Variants in CSDE1 observed in about 807,000 individuals in gnomAD.
CSDE1 encodes the protein cold shock domain-containing protein E1.
Under a neutral mutation model 89.3 loss-of-function variants are expected in CSDE1, and 17 were observed. The ratio of observed to expected loss-of-function variants is 0.19; its 90% CI spans 0.13 to 0.29. CSDE1 has a LOEUF of 0.29. Ranked by LOEUF, CSDE1 falls within the 10% of genes least tolerant of loss-of-function variation. The probability of loss-of-function intolerance (pLI) is 1.00; values close to 1 mark genes in which losing one functional copy is unlikely to be tolerated. For missense variants in CSDE1, 672 were observed against 984.2 expected (o/e 0.68, Z 4.24); for synonymous variants, 322 against 332.8 (o/e 0.97, Z 0.35).
chr1:114,723,820 C>T (rs1659656922), intron 16 of CSDE1, 63 bp downstream of exon 16: 2 of 1,606,932 alleles, frequency 1.2e-6, no homozygotes, highest in African/African-American at 2.7e-5. Flanking sequence ...TATTTTAAAA[C>T]TTTATAGGTG....
At position 114,739,855 on chromosome 1, in the gene CSDE1, T is replaced by G. The variant is rs748329765; in HGVS notation, c.36A>C (p.Gly12=). The change falls in exon 3 of 20, where the codon GGA becomes GGC. Residue 12 remains glycine, a synonymous_variant. Coordinates refer to ENST00000358528, the MANE Select transcript of CSDE1 (RefSeq NM_001007553.3). ...SFDPNLLHNN[G]HNGYPNGTSA... is the part of the protein sequence containing the mutation. ...AAGTACCATTAGGGTACCCATTATG[T>G]CCATTGTTGTGGAGAAGGTTTGGAT... is the stretch of plus-strand genomic sequence containing the variant. 3 of 1,613,960 alleles carry G rather than the reference T, an allele frequency of 1.9e-6. No individual in the cohort carries two copies. The highest frequency in any genetic ancestry group is 2.5e-6 in the Non-Finnish European group (3 of 1,179,996).
chr1:114,747,027 T>C (rs150043534), intron 2 of CSDE1, among the ~76,000 whole-genome samples: 2,099 of 152,348 alleles, frequency 0.014, 18 homozygotes, highest in Non-Finnish European at 0.02. Flanking sequence ...ATGAAAATTA[T>C]TGCATTCAGC....
In CSDE1 at chr1:114,742,514, G is replaced by A. The variant is rs149803516; in HGVS notation, c.1-2624C>T. ...TGAGAATTGCTTGAACCCAGGAGGC[G>A]GAGGTTGCAGTGAGCCGAAATTGTG... is the stretch of plus-strand genomic sequence containing the variant. On this transcript the variant is annotated intron_variant, in intron 2 of 19. Coordinates refer to ENST00000358528, the MANE Select transcript of CSDE1 (RefSeq NM_001007553.3). 7.0e-3 allele frequency among the ~76,000 whole-genome samples: 1,063 copies of A among 152,248 alleles called. 10 individuals carry two copies. Among genetic ancestry groups the A allele is most frequent in the Non-Finnish European group, 0.011 (759 of 68,016 alleles).
intron 5 of CSDE1, 128 bp from the exon 6 acceptor site, chr1:114,736,983 G>T: frequency 1.5e-6 from 1 of 646,100 alleles, no homozygotes; most frequent in Non-Finnish European, 2.7e-6. Context: ...AATGCTTTAT[G>T]ACAAGTCACT....
At chr1:114,721,446 CTA>C (rs1206875908) in intron 16 of CSDE1, among the ~76,000 whole-genome samples, 1 of 152,212 alleles carries the variant, frequency 6.6e-6, no homozygotes. Context: ...CAGATAAAAA[CTA>C]TGCCAAAGAA....
intron 7 of CSDE1, 142 bp from the exon 8 acceptor site, chr1:114,734,259 G>T: frequency 1.7e-6 from 2 of 1,162,310 alleles, no homozygotes; most frequent in Non-Finnish European, 2.4e-6. Context: ...CAATTAAACA[G>T]CCAATTTTAA....
At position 114,730,295 on chromosome 1, in the gene CSDE1, T is replaced by C. The variant is rs149300730; in HGVS notation, c.1319A>G (p.Asn440Ser). 2.3e-4 allele frequency: 377 copies of C among 1,614,032 alleles called. No individual in the cohort carries two copies. Among genetic ancestry groups the C allele is most frequent in the Non-Finnish European group, 3.1e-4 (368 of 1,180,032 alleles). The change falls in exon 12 of 20, where the codon AAT becomes AGT. Residue 440 changes from asparagine (N) to serine (S), a missense_variant. This residue lies in a region of CSDE1 where 108 missense variants were observed against 105.0 expected (regional missense o/e 1.03). Transcript: ENST00000358528. The stretch of plus-strand genomic sequence containing the variant: ...TTTATTTGGGCTAGTGGTTTTAGGA[T>C]TGGAAAAAGTGGCTTCTTTTTCTAC... ...GTVEKEATFS[N>S]PKTTSPNKGK... is the part of the protein sequence containing the mutation.
At chr1:114,751,026 G>GT (rs536941172) in intron 1 of CSDE1, among the ~76,000 whole-genome samples, 23 of 152,222 alleles carry the variant, frequency 1.5e-4, no homozygotes, top group Non-Finnish European at 2.6e-4. Flanking sequence ...AGGATATGTA[G>GT]TGTGACAGGT....
At chr1:114,738,126 A>G in intron 3 of CSDE1, 54 bp from the exon 4 acceptor site, 1 of 1,323,406 alleles carries the variant, frequency 7.6e-7, no homozygotes, top group Admixed American at 1.7e-5. Context: ...GAAACGATAT[A>G]TTGCTTCCAA....
intron 4 of CSDE1, 79 bp downstream of exon 4, chr1:114,737,884 G>A: frequency 1.0e-6 from 1 of 962,682 alleles, no homozygotes; most frequent in African/African-American, 1.6e-5. Flanking sequence ...TGAGGAGATG[G>A]GGAGAATCTT....
In CSDE1 at chr1:114,720,653, C is replaced by T. The variant is rs375515020; in HGVS notation, c.1938G>A (p.Leu646=). The change falls in exon 17 of 20, where the codon CTG becomes CTA. Residue 646 remains leucine, a synonymous_variant. Transcript: ENST00000358528. ...GGAACTTGACGCTCTCCCCTTTCTG[C>T]AGGCAATCCCCTTTGTTGGCCATCC... The part of the protein sequence containing the change: ...IVGMANKGDC[L]QKGESVKFQL... 3 of 1,614,056 alleles carry T rather than the reference C, an allele frequency of 1.9e-6. No homozygotes were observed. In the African/African-American group the frequency reaches 4.0e-5, roughly 22 times the overall value.
intron 16 of CSDE1, among the ~76,000 whole-genome samples, chr1:114,722,045 C>T (rs1033273811): frequency 4.6e-5 from 7 of 152,004 alleles, no homozygotes; most frequent in African/African-American, 1.7e-4. Flanking sequence ...TGATACCTGG[C>T]TAATTTTTGT....
intron 12 of CSDE1, chr1:114,727,575 C>CA (rs1659863725): frequency 6.6e-6 from 1 of 152,458 alleles, no homozygotes; most frequent in Non-Finnish European, 1.5e-5. Context: ...TGATCTAGCA[C>CA]AGTTCAAGTA....
At chr1:114,742,174 T>C (rs183504842) in intron 2 of CSDE1, among the ~76,000 whole-genome samples, 1 of 152,148 alleles carries the variant, frequency 6.6e-6, no homozygotes, top group Non-Finnish European at 1.5e-5. Flanking sequence ...GAGGAAAGAG[T>C]GGAGAACTCC....
chr1:114,747,587 C>T (rs772629554), intron 2 of CSDE1, among the ~76,000 whole-genome samples: 2 of 152,152 alleles, frequency 1.3e-5, no homozygotes, highest in Non-Finnish European at 2.9e-5. Context: ...TTGCCAGGCA[C>T]GGTGGCTCAT....
At position 114,728,478 on chromosome 1, in the gene CSDE1, T is replaced by C. The variant is rs1311208247; in HGVS notation, c.1357-1388A>G. Among the ~76,000 whole-genome samples, 11 of 152,220 alleles carry C rather than the reference T, an allele frequency of 7.2e-5. No individual in the cohort carries two copies. In the East Asian group the frequency reaches 2.1e-3, roughly 29 times the overall value. ...GATTCATTAACAGGTAAATGTTATA[T>C]ACTGTAAGAAGCATGATGACAGAGG... is the stretch of plus-strand genomic sequence containing the variant. On this transcript the variant is annotated intron_variant, in intron 12 of 19. Coordinates refer to ENST00000358528, the MANE Select transcript of CSDE1 (RefSeq NM_001007553.3).
At chr1:114,731,640 T>C (rs1304550052) in intron 10 of CSDE1, among the ~76,000 whole-genome samples, 1 of 152,200 alleles carries the variant, frequency 6.6e-6, no homozygotes, top group Non-Finnish European at 1.5e-5. Context: ...AAAAATCTGG[T>C]TGGTTTATGC....
Position 114,757,922 on chromosome 1 carries a change from C to T in CSDE1, c.-388+3G>A, listed in dbSNP as rs1300629539. On this transcript the variant is annotated splice_donor_region_variant and intron_variant, in intron 1 of 19. Transcript: ENST00000358528. ...CCCAGTTGGACCCTGAGGTCGTACT[C>T]ACCCCAACAGCTCAGCGCCCCCTCT... The T allele has an allele frequency of 1.3e-5, 2 of 153,010 alleles. No individual in the cohort carries two copies. The highest frequency in any genetic ancestry group is 2.9e-5 in the Non-Finnish European group (2 of 68,338). The allele number at this position is 153,010 out of a possible 1,614,324, so 9.5% of individuals were successfully genotyped here.
Position 114,719,665 on chromosome 1 carries a change from C to T in CSDE1, c.2130G>A (p.Glu710=). The change falls in exon 18 of 20, where the codon GAG becomes GAA. Residue 710 remains glutamate, a synonymous_variant. Transcript: ENST00000358528. The part of the protein sequence containing the change: ...FHVKEVQDGI[E]LQAGDEVEFS... ...ACTCCACCTCATCTCCTGCCTGTAG[C>T]TCAATGCCATCCTGAACTTCTTTCA... 6.2e-7 allele frequency: 1 copy of T among 1,614,102 alleles called. No individual in the cohort carries two copies. Among genetic ancestry groups the T allele is most frequent in the Non-Finnish European group, 8.5e-7 (1 of 1,179,984 alleles).
Sources: gnomAD v4.1 joint callset for allele counts (sites outside exome capture counted in the v4.1 genomes callset) on GRCh38, gnomAD v4.1.1 for gene constraint, gnomAD v4.1.1 regional missense constraint, MANE v1.5 for transcripts, NCBI Gene and HGNC (gene_info 2026-07-23, HGNC 2026-07-21) for gene names.